Variants in PROM1 observed in about 807,000 individuals in gnomAD.
PROM1 encodes prominin 1.
Under a neutral mutation model 116.9 loss-of-function variants are expected in PROM1, and 105 were observed. The ratio of observed to expected loss-of-function variants is 0.90; its 90% CI spans 0.77 to 1.06. PROM1 has a LOEUF of 1.06. Ranked by LOEUF, PROM1 falls within the 50% of genes least tolerant of loss-of-function variation. The probability of loss-of-function intolerance (pLI) is 0.00; values close to 1 mark genes in which losing one functional copy is unlikely to be tolerated. For missense variants in PROM1, 1,122 were observed against 1,045.2 expected, an observed-to-expected ratio of 1.07 and a Z score of -1.01; for synonymous variants, 393 against 387.0, an observed-to-expected ratio of 1.02 and a Z score of -0.18.
At chr4:16,003,196 T>C (rs1724314745) in intron 13 of PROM1, 1 of 426,460 alleles carries the variant, frequency 2.3e-6, no homozygotes, top group Non-Finnish European at 4.8e-6. Context: ...AGGGGCCATG[T>C]GATCTTCCAC....
intron 2 of PROM1, among the ~76,000 whole-genome samples, chr4:16,044,480 C>A (rs1369245174): frequency 6.6e-6 from 1 of 152,218 alleles, no homozygotes; most frequent in Non-Finnish European, 1.5e-5. Context: ...AAGTGCCTCT[C>A]TGCGGAGAGA....
At chr4:16,018,820 T>C (rs761128795) in intron 8 of PROM1, among the ~76,000 whole-genome samples, 12 of 152,184 alleles carry the variant, frequency 7.9e-5, no homozygotes, top group Non-Finnish European at 1.5e-4. Context: ...CAATGCAGCA[T>C]TAACTGGCCA....
intron 26 of PROM1, among the ~76,000 whole-genome samples, chr4:15,978,662 G>A (rs1716872115): frequency 1.3e-5 from 2 of 152,232 alleles, no homozygotes; most frequent in South Asian, 4.1e-4. Context: ...GCGGGCTCGG[G>A]GGAGCACTGG....
chr4:16,012,282 C>T (rs1031541206), intron 11 of PROM1, among the ~76,000 whole-genome samples: 2 of 152,164 alleles, frequency 1.3e-5, no homozygotes, highest in African/African-American at 4.8e-5. Flanking sequence ...CAGGCGTGAG[C>T]CACTGCGCCC....
chr4:16,074,754 A>G (rs1377799663), intron 2 of PROM1, among the ~76,000 whole-genome samples: 1 of 152,214 alleles, frequency 6.6e-6, no homozygotes, highest in Non-Finnish European at 1.5e-5. Flanking sequence ...TAAACATGTG[A>G]TGATATTCAC....
At chr4:15,978,022 T>C (rs1447375506) in intron 26 of PROM1, among the ~76,000 whole-genome samples, 2 of 152,184 alleles carry the variant, frequency 1.3e-5, no homozygotes. Flanking sequence ...AAGCCCTCAT[T>C]AGTCTCTCAT....
chr4:16,018,616 T>G lies in PROM1; in HGVS notation c.785-76A>C, dbSNP rs1335744729. 9.3e-6 allele frequency: 12 copies of G among 1,295,118 alleles called. No individual in the cohort carries two copies. In the Admixed American group the frequency reaches 1.2e-4, roughly 13 times the overall value. The allele number at this position is 1,295,118 out of a possible 1,614,324, so 80.2% of individuals were successfully genotyped here. ...CTACAAAAGTGTGTCTAAAGGGACT[T>G]GGGATGGACTGGTAAATGACTTTAG... On this transcript the variant is annotated intron_variant, in intron 8 of 27. Coordinates refer to ENST00000447510, the MANE Select transcript of PROM1 (RefSeq NM_006017.3).
In PROM1 at chr4:15,987,665, A is replaced by G; in HGVS notation, c.2128T>C (p.Leu710=). The G allele has an allele frequency of 1.9e-6, 3 of 1,610,802 alleles. No homozygotes were observed. The highest frequency in any genetic ancestry group is 1.1e-5 in the South Asian group (1 of 90,004). ...CAGAAAACAAAGTAAACCCTTACCA[A>G]CAATCCATTCCCTGTGCGTTGAAGT... is the stretch of plus-strand genomic sequence containing the variant. ...KILQRTGNGL[L]ERVTRILASL... Residue 710 remains leucine, a splice_region_variant and synonymous_variant, in exon 20 of 28, where the codon TTG becomes CTG. Coordinates refer to ENST00000447510, the MANE Select transcript of PROM1 (RefSeq NM_006017.3).
intron 27 of PROM1, among the ~76,000 whole-genome samples, chr4:15,970,015 T>A (rs73120492): frequency 0.072 from 10,869 of 151,886 alleles, 1,298 homozygotes; most frequent in African/African-American, 0.25. Context: ...TGTTGGCTAT[T>A]CACAGGTATA....
chr4:16,056,254 A>G (rs1464279796), intron 2 of PROM1, among the ~76,000 whole-genome samples: 2 of 152,188 alleles, frequency 1.3e-5, no homozygotes, highest in African/African-American at 4.8e-5. Flanking sequence ...CGCTGCAACC[A>G]GATTTAGGAT....
At chr4:16,009,921 C>A (rs1726466161) in intron 11 of PROM1, among the ~76,000 whole-genome samples, 1 of 114,798 alleles carries the variant, frequency 8.7e-6, no homozygotes, top group African/African-American at 3.4e-5. Flanking sequence ...GGTGACATAG[C>A]AAGACTCGCT....
intron 10 of PROM1, among the ~76,000 whole-genome samples, chr4:16,015,546 C>T (rs1358134358): frequency 1.3e-5 from 2 of 150,112 alleles, no homozygotes; most frequent in Admixed American, 6.7e-5. Flanking sequence ...AAAACTCAGC[C>T]AGGCATGTTG....
chr4:16,026,708 G>A (rs1040491337), intron 5 of PROM1, among the ~76,000 whole-genome samples: 1 of 152,140 alleles, frequency 6.6e-6, no homozygotes, highest in Non-Finnish European at 1.5e-5. Flanking sequence ...AGGAGCATTG[G>A]TTCATTACTG....
At chr4:16,080,156 C>T (rs1744763465) in intron 1 of PROM1, 1 of 151,964 alleles carries the variant, frequency 6.6e-6, no homozygotes, top group African/African-American at 2.4e-5. Flanking sequence ...CATACCACTG[C>T]ACTCCAGCCT....
At chr4:16,023,670 T>C (rs974128387) in intron 7 of PROM1, among the ~76,000 whole-genome samples, 1 of 152,204 alleles carries the variant, frequency 6.6e-6, no homozygotes, top group Admixed American at 6.5e-5. Flanking sequence ...TGTAACTCTC[T>C]GTGTATCTAA....
chr4:16,001,747 G>A (rs1172211643), intron 13 of PROM1, among the ~76,000 whole-genome samples: 14 of 152,302 alleles, frequency 9.2e-5, no homozygotes, highest in Non-Finnish European at 1.5e-5. Context: ...GGCACAGGCA[G>A]CAAGCGCAGA....
chr4:16,043,296 C>G (rs1465763785), intron 2 of PROM1, among the ~76,000 whole-genome samples: 1 of 152,186 alleles, frequency 6.6e-6, no homozygotes, highest in African/African-American at 2.4e-5. Flanking sequence ...AGACTCAAGT[C>G]TTGGCTTTTC....
At chr4:16,023,235 C>T in intron 8 of PROM1, 91 bp downstream of exon 8, 3 of 1,173,712 alleles carry the variant, frequency 2.6e-6, no homozygotes, top group Non-Finnish European at 3.7e-6. Flanking sequence ...CCCAAGCCAG[C>T]TCTCAGGGAA....
intron 5 of PROM1, among the ~76,000 whole-genome samples, chr4:16,031,720 A>G (rs1419175744): frequency 6.6e-6 from 1 of 152,180 alleles, no homozygotes; most frequent in Non-Finnish European, 1.5e-5. Flanking sequence ...AATGTCATGG[A>G]GACAAAACAA....
Sources: gnomAD v4.1 joint callset for allele counts (sites outside exome capture counted in the v4.1 genomes callset) on GRCh38, gnomAD v4.1.1 for gene constraint, MANE v1.5 for transcripts, NCBI Gene and HGNC (gene_info 2026-07-23, HGNC 2026-07-21) for gene names.